CC2D2A: variants seen among roughly 807,000 people sequenced by gnomAD.
CC2D2A encodes coiled-coil and C2 domain-containing protein 2A.
CC2D2A carries 155 observed loss-of-function variants against 212.9 expected under a neutral mutation model. The ratio of observed to expected loss-of-function variants is 0.73; its 90% CI spans 0.64 to 0.83. The LOEUF (loss-of-function observed/expected upper bound fraction) is 0.83, where lower values mean the gene tolerates loss of function less well. Among genes scored for constraint, CC2D2A ranks in the 40% least tolerant of loss-of-function variants. CC2D2A has a pLI of 0.00. For synonymous variants in CC2D2A, 667 were observed against 686.5 expected, an observed-to-expected ratio of 0.97 and a Z score of 0.44; for missense variants, 1,856 against 1,956.2, an observed-to-expected ratio of 0.95 and a Z score of 0.97.
At chr4:15,507,414 A>C (rs1164459883) in intron 6 of CC2D2A, among the ~76,000 whole-genome samples, 1 of 152,160 alleles carries the variant, frequency 6.6e-6, no homozygotes, top group Non-Finnish European at 1.5e-5. Context: ...ACCTAAGTGA[A>C]ATTTGACAGC....
At chr4:15,560,734 TG>T in intron 23 of CC2D2A, 112 bp downstream of exon 23, 1 of 560,956 alleles carries the variant, frequency 1.8e-6, no homozygotes, top group Non-Finnish European at 3.1e-6. Flanking sequence ...GGTATGCATT[TG>T]GGCCAGGAAT....
intron 1 of CC2D2A, chr4:15,473,289 T>C (rs924282454): frequency 7.9e-5 from 12 of 152,178 alleles, no homozygotes; most frequent in African/African-American, 2.7e-4. Context: ...ATAAGTACTG[T>C]GAAAAAATCA....
chr4:15,495,409 T>C (rs1347403382), intron 4 of CC2D2A, among the ~76,000 whole-genome samples: 2 of 152,276 alleles, frequency 1.3e-5, no homozygotes, highest in East Asian at 3.9e-4. Flanking sequence ...ACGCCCAGCC[T>C]CTATTGTTTC....
At chr4:15,557,087 CAT>C (rs1334388015) in intron 20 of CC2D2A, among the ~76,000 whole-genome samples, 28 of 152,136 alleles carry the variant, frequency 1.8e-4, no homozygotes, top group Non-Finnish European at 3.5e-4. Flanking sequence ...AAAAGTGAAA[CAT>C]ATAATTTTTA....
At chr4:15,502,559 A>G in intron 5 of CC2D2A, 42 bp downstream of exon 5, 1 of 1,506,620 alleles carries the variant, frequency 6.6e-7, no homozygotes, top group Non-Finnish European at 9.1e-7. Flanking sequence ...TGCTGATTGC[A>G]ATCTTCCAGG....
Position 15,496,476 on chromosome 4 carries a change from G to A in CC2D2A, c.248-5953G>A, listed in dbSNP as rs1715621667. Among the ~76,000 whole-genome samples the A allele has an allele frequency of 5.3e-5, 8 of 152,242 alleles. 1 individual carries two copies. The South Asian group carries it at 1.7e-3, about 32-fold the overall frequency. On this transcript the variant is annotated intron_variant, in intron 4 of 36. Coordinates refer to ENST00000424120, the MANE Select transcript of CC2D2A (RefSeq NM_001378615.1). ...ATCCTAGCACCTTTTATTGAATAGG[G>A]AGTCTTTCCCCCATTGCTGTTATTG... is the stretch of plus-strand genomic sequence containing the variant.
intron 4 of CC2D2A, among the ~76,000 whole-genome samples, chr4:15,486,519 G>A (rs951105504): frequency 6.6e-5 from 10 of 151,648 alleles, no homozygotes; most frequent in African/African-American, 2.4e-4. Flanking sequence ...CTCCATTTTT[G>A]TCTCTGATTT....
rs564148861 is a variant in CC2D2A at position 15,552,847 on chromosome 4, C to T, written c.2339-311C>T. On this transcript the variant is annotated intron_variant, in intron 18 of 36. Coordinates refer to ENST00000424120, the MANE Select transcript of CC2D2A (RefSeq NM_001378615.1). ...TGCAAAGAAGGTGCTATTTAGTATC[C>T]CTGATTTATACATTAAAAACTATGG... is the stretch of plus-strand genomic sequence containing the variant. 2.6e-5 allele frequency among the ~76,000 whole-genome samples: 4 copies of T among 152,236 alleles called. No homozygotes were observed. In the South Asian group the frequency reaches 8.3e-4, roughly 32 times the overall value.
At chr4:15,511,084 A>G (rs907658831) in intron 7 of CC2D2A, among the ~76,000 whole-genome samples, 163 bp from the exon 8 acceptor site, 1 of 152,248 alleles carries the variant, frequency 6.6e-6, no homozygotes, top group Non-Finnish European at 1.5e-5. Flanking sequence ...GGCAGATATT[A>G]AAGTTTATTA....
chr4:15,572,988 C>A (rs181604152), intron 28 of CC2D2A, among the ~76,000 whole-genome samples: 206 of 152,248 alleles, frequency 1.4e-3, no homozygotes, highest in Non-Finnish European at 2.2e-3. Flanking sequence ...CCAGTCTAGT[C>A]CTTCCACATT....
At chr4:15,521,585 G>A (rs546905609) in intron 11 of CC2D2A, among the ~76,000 whole-genome samples, 29 of 152,230 alleles carry the variant, frequency 1.9e-4, no homozygotes, top group African/African-American at 5.8e-4. Context: ...GCAATAGGTC[G>A]GCAGGCGAAG....
At chr4:15,584,197 A>G (rs1720770298) in intron 30 of CC2D2A, among the ~76,000 whole-genome samples, 1 of 152,206 alleles carries the variant, frequency 6.6e-6, no homozygotes, top group African/African-American at 2.4e-5. Flanking sequence ...CAAATAGCCA[A>G]TGTAACCTTG....
intron 18 of CC2D2A, 49 bp from the exon 19 acceptor site, chr4:15,553,109 T>A: frequency 6.5e-7 from 1 of 1,532,040 alleles, no homozygotes; most frequent in Non-Finnish European, 8.7e-7. Flanking sequence ...AGGACTAGGC[T>A]CAGTCCCTCT....
intron 4 of CC2D2A, chr4:15,492,713 T>A: frequency 1.3e-6 from 1 of 787,362 alleles, no homozygotes; most frequent in Non-Finnish European, 2.1e-6. Context: ...GGTCTGGTGG[T>A]CCAGGGGTCT....
intron 3 of CC2D2A, 86 bp from the exon 4 acceptor site, chr4:15,480,618 C>G: frequency 1.4e-6 from 2 of 1,462,222 alleles, no homozygotes; most frequent in Non-Finnish European, 1.8e-6. Flanking sequence ...AGGCCTGTCC[C>G]CTCACTGGTG....
At chr4:15,485,663 A>T (rs572154235) in intron 4 of CC2D2A, among the ~76,000 whole-genome samples, 1 of 152,240 alleles carries the variant, frequency 6.6e-6, no homozygotes, top group African/African-American at 2.4e-5. Flanking sequence ...GATGAAAGCC[A>T]TTTTAACTGG....
chr4:15,547,957 T>C (rs1376190297), intron 17 of CC2D2A, among the ~76,000 whole-genome samples: 2 of 152,040 alleles, frequency 1.3e-5, no homozygotes, highest in South Asian at 2.1e-4. Context: ...GAGAATTGCA[T>C]GAACTCAGGA....
At chr4:15,596,798 A>C (rs1371736204) in intron 34 of CC2D2A, among the ~76,000 whole-genome samples, 1 of 152,198 alleles carries the variant, frequency 6.6e-6, no homozygotes, top group African/African-American at 2.4e-5. Flanking sequence ...TTTTAGTAGG[A>C]GCATTGCTTG....
intron 6 of CC2D2A, 59 bp downstream of exon 6, chr4:15,502,982 C>A (rs1716046457): frequency 5.1e-6 from 7 of 1,372,656 alleles, no homozygotes; most frequent in Non-Finnish European, 7.0e-6. Flanking sequence ...ATAAAGTTTC[C>A]AGCAAAAGTT....
Sources: gnomAD v4.1 joint callset for allele counts (sites outside exome capture counted in the v4.1 genomes callset) on GRCh38, gnomAD v4.1.1 for gene constraint, MANE v1.5 for transcripts, NCBI Gene and HGNC (gene_info 2026-07-23, HGNC 2026-07-21) for gene names.